The following RAD51B variants were observed in gnomAD, a reference collection of about 807,000 sequenced individuals.
RAD51B encodes the protein DNA repair protein RAD51 homolog 2.
Under a neutral mutation model 42.2 loss-of-function variants are expected in RAD51B, and 38 were observed. The ratio of observed to expected loss-of-function variants is 0.90; its 90% CI spans 0.70 to 1.18. RAD51B has a LOEUF of 1.18. Among genes scored for constraint, RAD51B ranks in the 50% most tolerant of loss-of-function variants. RAD51B has a pLI of 0.00. For missense variants in RAD51B, 373 were observed against 400.7 expected (o/e 0.93, Z 0.59); for synonymous variants, 154 against 145.2 (o/e 1.06, Z -0.43).
chr14:68,309,656 A>C (rs2081931489), intron 8 of RAD51B, among the ~76,000 whole-genome samples: 1 of 152,192 alleles, frequency 6.6e-6, no homozygotes, highest in Non-Finnish European at 1.5e-5. Flanking sequence ...ATAATATTTT[A>C]ATAATAACAA....
chr14:67,847,694 A>T (rs564504812), intron 4 of RAD51B, among the ~76,000 whole-genome samples: 3 of 152,278 alleles, frequency 2.0e-5, no homozygotes, highest in Admixed American at 1.3e-4. Flanking sequence ...TTACTTTATG[A>T]CCAAACATGT....
intron 8 of RAD51B, among the ~76,000 whole-genome samples, chr14:68,409,848 CA>C (rs1353026011): frequency 6.6e-6 from 1 of 152,220 alleles, no homozygotes; most frequent in Non-Finnish European, 1.5e-5. Context: ...TTTGTTTTCA[CA>C]TTAATTTGTG....
At chr14:68,211,745 G>A (rs985007686) in intron 7 of RAD51B, among the ~76,000 whole-genome samples, 1 of 152,208 alleles carries the variant, frequency 6.6e-6, no homozygotes, top group Non-Finnish European at 1.5e-5. Flanking sequence ...TCAGAAAGGG[G>A]GTTGGTCGAC....
downstream of RAD51B, among the ~76,000 whole-genome samples, chr14:68,596,268 T>G (rs1363201638): frequency 6.6e-6 from 1 of 152,176 alleles, no homozygotes; most frequent in Admixed American, 6.5e-5. Context: ...CCAAACTTTT[T>G]TTTTTCTAAT....
At chr14:68,002,512 T>C (rs2075504692) in intron 7 of RAD51B, among the ~76,000 whole-genome samples, 1 of 152,248 alleles carries the variant, frequency 6.6e-6, no homozygotes, top group Non-Finnish European at 1.5e-5. Flanking sequence ...TAGTTTCTTT[T>C]GCTGTGCAGA....
rs180718538 is a variant in RAD51B at position 68,603,166 on chromosome 14, G to A, written c.1037-7840G>A. On this transcript the variant is annotated intron_variant, in intron 10 of 10. Transcript: ENST00000487861. Reference sequence around the variant, plus strand: ...TCTCTAATCCCCCATAGTACCCAATGGAGTGCCTTATATGGATTAGGCCCT... The same window carrying A: ...TCTCTAATCCCCCATAGTACCCAATAGAGTGCCTTATATGGATTAGGCCCT... Among the ~76,000 whole-genome samples, 9 of 152,214 alleles carry A rather than the reference G, an allele frequency of 5.9e-5. No individual in the cohort carries two copies. The East Asian group carries it at 1.7e-3, about 29-fold the overall frequency.
intron 10 of RAD51B, among the ~76,000 whole-genome samples, chr14:68,564,778 G>T (rs533965349): frequency 6.6e-6 from 1 of 152,338 alleles, no homozygotes; most frequent in East Asian, 1.9e-4. Flanking sequence ...GAGGTGGATG[G>T]TGGGCTCCAG....
intron 7 of RAD51B, chr14:67,908,800 C>A (rs868048843): frequency 6.6e-6 from 1 of 152,122 alleles, no homozygotes; most frequent in African/African-American, 2.4e-5. Context: ...GTAAATAAGA[C>A]GTGGATCCTG....
chr14:68,133,791 A>C (rs2077951177), intron 7 of RAD51B, among the ~76,000 whole-genome samples: 1 of 152,052 alleles, frequency 6.6e-6, no homozygotes, highest in African/African-American at 2.4e-5. Flanking sequence ...TGATTTTTTT[A>C]AGATTATTTT....
At chr14:68,284,082 G>T (rs904294111) in intron 7 of RAD51B, among the ~76,000 whole-genome samples, 1 of 152,118 alleles carries the variant, frequency 6.6e-6, no homozygotes, top group Admixed American at 6.6e-5. Context: ...CTCTTCTTTA[G>T]GGGCTCCCCT....
At chr14:68,150,018 C>T (rs1337685021) in intron 7 of RAD51B, 1 of 152,116 alleles carries the variant, frequency 6.6e-6, no homozygotes, top group African/African-American at 2.4e-5. Context: ...AATCTCAGCT[C>T]ACTGCAACCT....
intron 10 of RAD51B, among the ~76,000 whole-genome samples, chr14:68,520,551 A>G (rs2525513): frequency 0.97 from 147,963 of 152,292 alleles, 72,055 homozygotes; most frequent in East Asian, 1. Flanking sequence ...TTCATCAAAT[A>G]GGAGGAGGAA....
chr14:68,636,777 T>G (rs1892349762), intron 10 of RAD51B, among the ~76,000 whole-genome samples: 1 of 152,094 alleles, frequency 6.6e-6, no homozygotes, highest in African/African-American at 2.4e-5. Flanking sequence ...CTCCCTGATC[T>G]TCAAATCAAG....
At chr14:68,502,123 G>A (rs1884967380) in intron 10 of RAD51B, among the ~76,000 whole-genome samples, 1 of 152,244 alleles carries the variant, frequency 6.6e-6, no homozygotes, top group Admixed American at 6.5e-5. Flanking sequence ...GGTGGTTTGA[G>A]TTTGGCCAAA....
intron 8 of RAD51B, among the ~76,000 whole-genome samples, chr14:68,312,752 A>G (rs2081987415): frequency 6.6e-6 from 1 of 152,204 alleles, no homozygotes; most frequent in South Asian, 2.1e-4. Context: ...TAGCCTTTCT[A>G]TTTGAGGAAT....
intron 7 of RAD51B, among the ~76,000 whole-genome samples, chr14:67,927,794 G>A (rs545861018): frequency 0.025 from 3,791 of 148,692 alleles, 209 homozygotes; most frequent in African/African-American, 0.093. Flanking sequence ...TAATGTGTGT[G>A]TCTTTTATGG....
chr14:67,843,287 G>C (rs2041495207), intron 4 of RAD51B: 1 of 126,334 alleles, frequency 7.9e-6, no homozygotes, highest in Non-Finnish European at 1.7e-5. Context: ...TCCTAATGCT[G>C]TCCCTCCCCC....
chr14:68,292,229 C>T (rs1309437574), intron 8 of RAD51B, among the ~76,000 whole-genome samples: 1 of 152,154 alleles, frequency 6.6e-6, no homozygotes, highest in Non-Finnish European at 1.5e-5. Flanking sequence ...TATTTCAAGT[C>T]CTTAGTATGA....
intron 8 of RAD51B, among the ~76,000 whole-genome samples, chr14:68,355,032 C>T (rs1249783130): frequency 7.2e-5 from 11 of 152,126 alleles, no homozygotes; most frequent in Admixed American, 7.2e-4. Flanking sequence ...TGAGTAAGCT[C>T]TCTGGCTGTA....
Sources: allele counts gnomAD v4.1 joint callset (sites outside exome capture counted in the v4.1 genomes callset), GRCh38; gene constraint gnomAD v4.1.1; transcripts MANE v1.5; gene names NCBI Gene and HGNC (gene_info 2026-07-23, HGNC 2026-07-21).